ARHGAP15: variants seen among roughly 807,000 people sequenced by gnomAD.
The protein encoded by ARHGAP15 is rho GTPase-activating protein 15.
A neutral mutation model predicts 63.7 loss-of-function variants in ARHGAP15; 51 were observed. The observed-to-expected ratio is 0.80, with a 90% CI of 0.64 to 1.01. The LOEUF is 1.01. Ranked by LOEUF, ARHGAP15 falls within the 50% of genes least tolerant of loss-of-function variation. The pLI, the probability that ARHGAP15 is intolerant of heterozygous loss-of-function variation, is 0.00. For synonymous variants in ARHGAP15, 191 were observed against 193.8 expected (o/e 0.99, Z 0.12); for missense variants, 560 against 564.6 (o/e 0.99, Z 0.08).
chr2:143,515,181 A>ATAT (rs1693756467), intron 9 of ARHGAP15, among the ~76,000 whole-genome samples: 2 of 138,440 alleles, frequency 1.4e-5, no homozygotes, highest in Non-Finnish European at 1.6e-5. Flanking sequence ...CTTCCCCACT[A>ATAT]TATTAACCCC....
rs1212156111 is a variant in ARHGAP15 at position 143,496,590 on chromosome 2, T to C, written c.826+9095T>C. Reference sequence around the variant, plus strand: ...CTACAAAATGGTTTTACCAGTAAATTTCTGGTATGTAACTCACTATACTTT... The same window carrying C: ...CTACAAAATGGTTTTACCAGTAAATCTCTGGTATGTAACTCACTATACTTT... On this transcript the variant is annotated intron_variant, in intron 9 of 13. Transcript: ENST00000295095. Among the ~76,000 whole-genome samples, 7 of 152,206 alleles carry C rather than the reference T, an allele frequency of 4.6e-5. No homozygotes were observed. The East Asian group carries it at 1.3e-3, about 29-fold the overall frequency.
At chr2:143,687,771 A>C (rs1346860261) in intron 12 of ARHGAP15, among the ~76,000 whole-genome samples, 5 of 152,238 alleles carry the variant, frequency 3.3e-5, no homozygotes, top group African/African-American at 1.2e-4. Flanking sequence ...TATTATCAAA[A>C]TAACACAAAC....
chr2:143,703,327 A>G (rs1684174569), intron 12 of ARHGAP15, 92 bp from the exon 13 acceptor site: 1 of 868,924 alleles, frequency 1.2e-6, no homozygotes, highest in Admixed American at 2.6e-5. Flanking sequence ...TGCTAGTCTC[A>G]GTCCAAAATT....
chr2:143,544,463 T>G (rs1435810958), intron 10 of ARHGAP15, among the ~76,000 whole-genome samples: 1 of 152,206 alleles, frequency 6.6e-6, no homozygotes, highest in East Asian at 1.9e-4. Flanking sequence ...GTAATATATA[T>G]GTATATACTA....
At chr2:143,491,166 A>T (rs1229115480) in intron 9 of ARHGAP15, among the ~76,000 whole-genome samples, 2 of 152,204 alleles carry the variant, frequency 1.3e-5, no homozygotes, top group Non-Finnish European at 2.9e-5. Flanking sequence ...AACATTGAGC[A>T]TCTCATTGGG....
chr2:143,161,235 C>T (rs1690282232), intron 2 of ARHGAP15, among the ~76,000 whole-genome samples: 1 of 151,862 alleles, frequency 6.6e-6, no homozygotes, highest in East Asian at 1.9e-4. Flanking sequence ...ACCTTGACTG[C>T]CATTAGAAAC....
chr2:143,245,421 T>A (rs956545492), intron 5 of ARHGAP15, among the ~76,000 whole-genome samples: 2 of 152,180 alleles, frequency 1.3e-5, no homozygotes, highest in African/African-American at 4.8e-5. Flanking sequence ...TTGTTTTTGT[T>A]GACCTTAATG....
At chr2:143,545,564 G>A (rs1240207097) in intron 10 of ARHGAP15, among the ~76,000 whole-genome samples, 1 of 151,950 alleles carries the variant, frequency 6.6e-6, no homozygotes, top group African/African-American at 2.4e-5. Context: ...CTCGGGGTCT[G>A]TATTGTGTCT....
intron 6 of ARHGAP15, among the ~76,000 whole-genome samples, chr2:143,253,817 A>AG (rs1161719324): frequency 6.6e-6 from 1 of 151,906 alleles, no homozygotes; most frequent in Non-Finnish European, 1.5e-5. Flanking sequence ...CACACCTAAT[A>AG]GCTTGACCTT....
chr2:143,516,980 C>T (rs928960880), intron 9 of ARHGAP15, among the ~76,000 whole-genome samples: 1 of 114,252 alleles, frequency 8.8e-6, no homozygotes, highest in Non-Finnish European at 1.9e-5. Flanking sequence ...GATGGAGTCT[C>T]ACTCTGTTGC....
At chr2:143,750,788 AGAT>A (rs1465478280) in intron 13 of ARHGAP15, among the ~76,000 whole-genome samples, 1 of 152,248 alleles carries the variant, frequency 6.6e-6, no homozygotes, top group Non-Finnish European at 1.5e-5. Context: ...AATGTTCCAC[AGAT>A]GATATTAATA....
intron 12 of ARHGAP15, among the ~76,000 whole-genome samples, chr2:143,683,151 T>C (rs1034872524): frequency 1.3e-5 from 2 of 152,172 alleles, no homozygotes; most frequent in Admixed American, 6.5e-5. Flanking sequence ...GACCTTTTTT[T>C]CTCATTTTAA....
intron 6 of ARHGAP15, among the ~76,000 whole-genome samples, chr2:143,384,890 T>C (rs1687211119): frequency 6.6e-6 from 1 of 152,148 alleles, no homozygotes; most frequent in Non-Finnish European, 1.5e-5. Flanking sequence ...CTTCAGTGCA[T>C]TCAGAGAAAA....
intron 6 of ARHGAP15, among the ~76,000 whole-genome samples, chr2:143,432,390 C>T (rs1689427670): frequency 6.6e-6 from 1 of 151,984 alleles, no homozygotes; most frequent in Admixed American, 6.6e-5. Flanking sequence ...TCAACATAAA[C>T]ACTACTTCTT....
chr2:143,445,153 A>ACTTTTTTTTTTTTTTTT, intron 8 of ARHGAP15, among the ~76,000 whole-genome samples: 9 of 74,460 alleles, frequency 1.2e-4, no homozygotes, highest in South Asian at 5.7e-4. Flanking sequence ...AAGAACAATT[A>ACTTTTTTTTTTTTTTTT]TTTTTTTTTT....
At chr2:143,554,979 C>T (rs1695727432) in intron 10 of ARHGAP15, among the ~76,000 whole-genome samples, 1 of 152,112 alleles carries the variant, frequency 6.6e-6, no homozygotes, top group Admixed American at 6.6e-5. Flanking sequence ...GACAGAGTCT[C>T]AGTAATTTCT....
intron 12 of ARHGAP15, among the ~76,000 whole-genome samples, chr2:143,661,068 C>T (rs560729943): frequency 1.3e-5 from 2 of 152,346 alleles, no homozygotes; most frequent in East Asian, 1.9e-4. Flanking sequence ...TAACCAGCTT[C>T]CTGCATCTTC....
At chr2:143,757,700 A>G (rs1686628945) in intron 13 of ARHGAP15, among the ~76,000 whole-genome samples, 3 of 152,130 alleles carry the variant, frequency 2.0e-5, no homozygotes, top group Non-Finnish European at 4.4e-5. Context: ...GAAAAAAAGT[A>G]AATTCAGAGT....
At chr2:143,533,334 G>T (rs1427943472) in intron 10 of ARHGAP15, 1 of 152,070 alleles carries the variant, frequency 6.6e-6, no homozygotes, top group Non-Finnish European at 1.5e-5. Flanking sequence ...ATTTCTCACG[G>T]GGCAAAATAC....
Sources: gnomAD v4.1 joint callset for allele counts (sites outside exome capture counted in the v4.1 genomes callset) on GRCh38, gnomAD v4.1.1 for gene constraint, MANE v1.5 for transcripts, NCBI Gene and HGNC (gene_info 2026-07-23, HGNC 2026-07-21) for gene names.